The following NEK11 variants were observed in gnomAD, a reference collection of about 807,000 sequenced individuals.
The protein encoded by NEK11 is NIMA related kinase 11, also known as serine/threonine-protein kinase Nek11.
Under a neutral mutation model 80.7 loss-of-function variants are expected in NEK11, and 72 were observed. That is an observed-to-expected ratio of 0.89 (90% CI 0.74 to 1.08). The LOEUF (loss-of-function observed/expected upper bound fraction) is 1.08. NEK11 is among the 50% of genes least tolerant of loss of function. The pLI, the probability that NEK11 is intolerant of heterozygous loss-of-function variation, is 0.00. For synonymous variants in NEK11, 251 were observed against 260.7 expected, an observed-to-expected ratio of 0.96 and a Z score of 0.36; for missense variants, 764 against 763.6, an observed-to-expected ratio of 1.00 and a Z score of -0.01.
chr3:131,222,418 G>A (rs2095054169), intron 14 of NEK11, among the ~76,000 whole-genome samples: 1 of 152,136 alleles, frequency 6.6e-6, no homozygotes, highest in Non-Finnish European at 1.5e-5. Context: ...ACTGTAAAAT[G>A]CACACAAATA....
Position 131,236,512 on chromosome 3 carries a change from A to G in NEK11, c.1561-6924A>G, listed in dbSNP as rs185903489. Among the ~76,000 whole-genome samples the G allele has an allele frequency of 3.3e-5, 5 of 152,350 alleles. No homozygotes were observed. In the East Asian group the frequency reaches 9.6e-4, roughly 29 times the overall value. Reference sequence around the variant, plus strand: ...TGACTTGCCGAGAACCTGGGCATTAATAAGAGACAGCTGCAGTTAGAAGGT... The same window carrying G: ...TGACTTGCCGAGAACCTGGGCATTAGTAAGAGACAGCTGCAGTTAGAAGGT... On this transcript the variant is annotated intron_variant, in intron 15 of 17. Coordinates refer to ENST00000383366, the MANE Select transcript of NEK11 (RefSeq NM_024800.5).
At chr3:131,162,354 T>G (rs2091706320) in intron 10 of NEK11, 54 bp from the exon 11 acceptor site, 1 of 1,581,172 alleles carries the variant, frequency 6.3e-7, no homozygotes, top group Non-Finnish European at 8.6e-7. Context: ...TTTGTTTAAT[T>G]TTTCTGAACA....
intron 15 of NEK11, among the ~76,000 whole-genome samples, chr3:131,235,806 T>C (rs1464403173): frequency 6.6e-6 from 1 of 152,282 alleles, no homozygotes; most frequent in Non-Finnish European, 1.5e-5. Flanking sequence ...CCCCATCCAA[T>C]GACAGAGCTG....
intron 17 of NEK11, among the ~76,000 whole-genome samples, chr3:131,338,464 C>A (rs949419378): frequency 6.6e-6 from 1 of 151,984 alleles, no homozygotes; most frequent in Non-Finnish European, 1.5e-5. Context: ...TATACACTTA[C>A]CATACAACCC....
intron 17 of NEK11, chr3:131,329,752 G>T (rs1205222148): frequency 6.6e-6 from 1 of 152,250 alleles, no homozygotes; most frequent in East Asian, 1.9e-4. Context: ...ATTCTAGTTA[G>T]AGGGAACATC....
rs141813528 is a variant in NEK11, at chr3:131,152,195, T to C, written c.648-193T>C. Among the ~76,000 whole-genome samples, 296 of 151,786 alleles carry C rather than the reference T, an allele frequency of 2.0e-3. 3 individuals carry two copies. The South Asian group carries it at 0.027, about 14-fold the overall frequency. ...TTACTTTTGTGCTTTATTCTTTCAC[T>C]TTTTTGGTTTTTTTTTTGGTAAACA... is the stretch of plus-strand genomic sequence containing the variant. On this transcript the variant is annotated intron_variant, in intron 7 of 17. Coordinates refer to ENST00000383366, the MANE Select transcript of NEK11 (RefSeq NM_024800.5).
chr3:131,048,549 G>T (rs986892323), intron 3 of NEK11, among the ~76,000 whole-genome samples: 19 of 152,166 alleles, frequency 1.2e-4, no homozygotes, highest in African/African-American at 4.6e-4. Flanking sequence ...ATCCTTCTGT[G>T]ATCTGGACCT....
chr3:131,155,023 AT>A lies in NEK11; in HGVS notation c.877-12del. On this transcript the variant is annotated splice_polypyrimidine_tract_variant and intron_variant, in intron 9 of 17. Coordinates refer to ENST00000383366, the MANE Select transcript of NEK11 (RefSeq NM_024800.5). The stretch of plus-strand genomic sequence containing the variant: ...GAGCCTTTAAGATATGTCAGGGTTG[AT>A]CTTTTTTTCAGAACCTAATGTGTAG... The A allele has an allele frequency of 6.5e-7, 1 of 1,529,622 alleles. No individual in the cohort carries two copies. The allele number at this position is 1,529,622 out of a possible 1,614,324, so 94.8% of individuals were successfully genotyped here.
Position 131,167,129 on chromosome 3 carries a change from A to G in NEK11, c.1176+1610A>G, listed in dbSNP as rs2092306060. 2.0e-5 allele frequency among the ~76,000 whole-genome samples: 3 copies of G among 152,190 alleles called. No homozygotes were observed. The South Asian group carries it at 6.2e-4, about 32-fold the overall frequency. ...TCTTATAAGTCCTCTGCTAATTCAT[A>G]TGCTGCTGGTCTGATTCCTATGTAC... On this transcript the variant is annotated intron_variant, in intron 12 of 17. Coordinates refer to ENST00000383366, the MANE Select transcript of NEK11 (RefSeq NM_024800.5).
chr3:131,282,170 G>A (rs1581359585), intron 17 of NEK11, among the ~76,000 whole-genome samples: 1 of 152,184 alleles, frequency 6.6e-6, no homozygotes, highest in African/African-American at 2.4e-5. Context: ...GTAGGGGTTT[G>A]TGGTGTTCTA....
chr3:131,240,201 C>G (rs1269867592), intron 15 of NEK11, among the ~76,000 whole-genome samples: 1 of 152,144 alleles, frequency 6.6e-6, no homozygotes, highest in East Asian at 1.9e-4. Flanking sequence ...GCTCCTTTCT[C>G]AGAATCTTTA....
rs1307905401 is a variant in NEK11 at position 131,105,083 on chromosome 3, TCTC to T, written c.337-4718_337-4716del. Among the ~76,000 whole-genome samples, 3 of 152,356 alleles carry T rather than the reference TCTC, an allele frequency of 2.0e-5. No individual in the cohort carries two copies. In the East Asian group the frequency reaches 5.8e-4, roughly 29 times the overall value. On this transcript the variant is annotated intron_variant, in intron 4 of 17. Transcript: ENST00000383366. ...AGTGTTTACTTGCAGCTCTGCCTCT[TCTC>T]CATGAGAGCAGCATGCACTAACTGC... is the stretch of plus-strand genomic sequence containing the variant.
At chr3:131,323,873 TGA>T (rs1224131388) in intron 17 of NEK11, among the ~76,000 whole-genome samples, 2 of 152,198 alleles carry the variant, frequency 1.3e-5, no homozygotes, top group African/African-American at 4.8e-5. Context: ...AAGGCACTTT[TGA>T]GAGTAGATTG....
intron 7 of NEK11, among the ~76,000 whole-genome samples, chr3:131,140,329 A>G (rs1481410346): frequency 6.6e-6 from 1 of 152,190 alleles, no homozygotes; most frequent in Non-Finnish European, 1.5e-5. Context: ...AGAGGAACCA[A>G]GGCCTTTGGT....
At chr3:131,137,079 A>G (rs1304062372) in intron 7 of NEK11, among the ~76,000 whole-genome samples, 1 of 152,176 alleles carries the variant, frequency 6.6e-6, no homozygotes, top group Non-Finnish European at 1.5e-5. Flanking sequence ...AGTGGTGGGA[A>G]TAGTGGCAAC....
intron 4 of NEK11, among the ~76,000 whole-genome samples, chr3:131,088,316 TTC>T (rs1469327762): frequency 6.6e-6 from 1 of 151,590 alleles, no homozygotes; most frequent in Admixed American, 6.5e-5. Flanking sequence ...TCCATTTACT[TTC>T]TTTCTTAAAC....
At chr3:131,338,274 T>TG (rs1554023978) in intron 17 of NEK11, among the ~76,000 whole-genome samples, 1 of 147,848 alleles carries the variant, frequency 6.8e-6, no homozygotes, top group Non-Finnish European at 1.5e-5. Flanking sequence ...TGGTTTTTTT[T>TG]TTTTTTTTTT....
At chr3:131,130,168 C>T (rs2084168290) in intron 5 of NEK11, among the ~76,000 whole-genome samples, 1 of 151,826 alleles carries the variant, frequency 6.6e-6, no homozygotes, top group Non-Finnish European at 1.5e-5. Context: ...TAGATTTATA[C>T]CTAAGTGTTT....
chr3:131,093,416 G>T (rs2077000012), intron 4 of NEK11, among the ~76,000 whole-genome samples: 1 of 102,608 alleles, frequency 9.7e-6, no homozygotes, highest in South Asian at 3.9e-4. Flanking sequence ...CATGTGGAAA[G>T]AACCAGATGT....
Sources: allele counts gnomAD v4.1 joint callset (sites outside exome capture counted in the v4.1 genomes callset), GRCh38; gene constraint gnomAD v4.1.1; transcripts MANE v1.5; gene names NCBI Gene and HGNC (gene_info 2026-07-23, HGNC 2026-07-21).